Variants in NTNG2 observed in about 807,000 individuals in gnomAD.
NTNG2 encodes netrin-G2.
A neutral mutation model predicts 47.6 loss-of-function variants in NTNG2; 15 were observed. The observed-to-expected ratio is 0.32, with a 90% CI of 0.21 to 0.49. The LOEUF (loss-of-function observed/expected upper bound fraction) is 0.49, where lower values mean the gene tolerates loss of function less well. NTNG2 is among the 20% of genes least tolerant of loss of function. The pLI is 0.99. For missense variants in NTNG2, 578 were observed against 764.6 expected (o/e 0.76, Z 2.88); for synonymous variants, 307 against 324.6 (o/e 0.95, Z 0.58).
chr9:132,209,834 G>A (rs914496730), intron 3 of NTNG2, among the ~76,000 whole-genome samples: 1 of 151,292 alleles, frequency 6.6e-6, no homozygotes, highest in Admixed American at 6.6e-5. Context: ...GAGGGGAGAG[G>A]GCTCTTCCTG....
chr9:132,209,273 G>T (rs1389009786), intron 3 of NTNG2, among the ~76,000 whole-genome samples: 1 of 152,260 alleles, frequency 6.6e-6, no homozygotes, highest in Non-Finnish European at 1.5e-5. Context: ...TTCCAGCGCG[G>T]CTGTGCACTG....
At chr9:132,164,880 TGCTCAGGGC>T (rs1043427827) in intron 1 of NTNG2, among the ~76,000 whole-genome samples, 20 of 152,320 alleles carry the variant, frequency 1.3e-4, no homozygotes, top group African/African-American at 4.8e-4. Flanking sequence ...GAGCCTGAGG[TGCTCAGGGC>T]GCTCAGGGCA....
rs12348761 is a variant in NTNG2, at chr9:132,226,353, C to T, written c.858-496C>T. ...GGGTTCTATCTGTTGCCCTCAAGGG[C>T]GTGGCTGTGGGCCACAACCTGACAG... On this transcript the variant is annotated intron_variant, in intron 3 of 7. Transcript: ENST00000393229. The surrounding 1 kb of genome is among the most constrained non-coding windows in gnomAD (Gnocchi z 4.8). Among the ~76,000 whole-genome samples the T allele has an allele frequency of 0.014, 2,125 of 152,294 alleles. 50 individuals are homozygous for T. Among genetic ancestry groups the T allele is most frequent in the African/African-American group, 0.047 (1,946 of 41,550 alleles).
intron 2 of NTNG2, among the ~76,000 whole-genome samples, chr9:132,190,907 TG>T (rs1837831617): frequency 6.6e-6 from 1 of 152,198 alleles, no homozygotes; most frequent in South Asian, 2.1e-4. Context: ...CTAGCCACAC[TG>T]CCTGACCTTT....
chr9:132,239,394 C>A, intron 6 of NTNG2, 123 bp downstream of exon 6: 1 of 855,698 alleles, frequency 1.2e-6, no homozygotes, highest in East Asian at 2.6e-5. Flanking sequence ...GGAATTCTAA[C>A]TCCAGGGCCC....
rs961597448 is a variant in NTNG2, at chr9:132,182,810, G to A, written c.214-15156G>A. On this transcript the variant is annotated intron_variant, in intron 2 of 7. Transcript: ENST00000393229. This position sits in a 1 kb window ranked among gnomAD's most constrained non-coding sequence, Gnocchi z 4.2. Reference sequence around the variant, plus strand: ...CAGGAGCGGAGCGGGCAGGGACCAGGCTGCCCTCTAAGCCACTCGGCTGGC... The same window carrying A: ...CAGGAGCGGAGCGGGCAGGGACCAGACTGCCCTCTAAGCCACTCGGCTGGC... Among the ~76,000 whole-genome samples the A allele has an allele frequency of 6.6e-6, 1 of 152,202 alleles. No individual in the cohort carries two copies. The highest frequency in any genetic ancestry group is 2.4e-5 in the African/African-American group (1 of 41,464).
At chr9:132,204,191 C>T (rs1466663348) in intron 3 of NTNG2, among the ~76,000 whole-genome samples, 1 of 152,126 alleles carries the variant, frequency 6.6e-6, no homozygotes, top group Non-Finnish European at 1.5e-5. Flanking sequence ...CTGAGCTGGG[C>T]CTGGACGGGC....
intron 3 of NTNG2, among the ~76,000 whole-genome samples, chr9:132,217,376 T>C (rs1840064058): frequency 6.6e-6 from 1 of 152,114 alleles, no homozygotes; most frequent in African/African-American, 2.4e-5. Flanking sequence ...GTGGGGTGGC[T>C]GCAGTTCCAG....
intron 3 of NTNG2, among the ~76,000 whole-genome samples, chr9:132,216,684 T>C (rs1452181114): frequency 6.6e-6 from 1 of 151,946 alleles, no homozygotes; most frequent in African/African-American, 2.4e-5. Flanking sequence ...GCCCAGGTGA[T>C]GGTTTTCTGG....
rs61589603 is a variant in NTNG2 at position 132,218,488 on chromosome 9, G to GTT, written c.858-8354_858-8353dup. On this transcript the variant is annotated intron_variant, in intron 3 of 7. Coordinates refer to ENST00000393229, the MANE Select transcript of NTNG2 (RefSeq NM_032536.4). The surrounding 1 kb of genome is among the most constrained non-coding windows in gnomAD (Gnocchi z 5.4). Reference sequence around the variant, plus strand: ...CAATGTGATAGCGTTTTGTTTTTTTGTTTTTTTTGTTTTTCTGGTTTTTTT... The same window carrying GTT: ...CAATGTGATAGCGTTTTGTTTTTTTGTTTTTTTTTTGTTTTTCTGGTTTTTTT... Among the ~76,000 whole-genome samples, 54 of 151,684 alleles carry GTT rather than the reference G, an allele frequency of 3.6e-4. No homozygotes were observed. Among genetic ancestry groups the GTT allele is most frequent in the Middle Eastern group, 3.4e-3 (1 of 294 alleles).
intron 2 of NTNG2, among the ~76,000 whole-genome samples, chr9:132,189,062 GCCTT>G (rs769642682): frequency 0.086 from 7,464 of 87,004 alleles, 522 homozygotes; most frequent in Middle Eastern, 0.17. Flanking sequence ...AAGGCTTTAA[GCCTT>G]TCTTTTTTTT....
intron 2 of NTNG2, among the ~76,000 whole-genome samples, chr9:132,189,044 A>G (rs1387136704): frequency 2.2e-5 from 2 of 89,238 alleles, no homozygotes; most frequent in Non-Finnish European, 4.7e-5. Flanking sequence ...TATAAGTTTT[A>G]TGTGAAAAAG....
chr9:132,170,841 G>A (rs1291609008), intron 2 of NTNG2, among the ~76,000 whole-genome samples: 3 of 152,210 alleles, frequency 2.0e-5, no homozygotes, highest in Admixed American at 6.5e-5. Flanking sequence ...CCCAGACCCT[G>A]CCCCACAACT....
intron 2 of NTNG2, among the ~76,000 whole-genome samples, chr9:132,196,995 G>A (rs1014825358): frequency 6.6e-6 from 1 of 152,212 alleles, no homozygotes; most frequent in Non-Finnish European, 1.5e-5. Context: ...GGAACAGCCA[G>A]ATAGAAGAGA....
At chr9:132,234,985 G>A (rs1270066045) in intron 5 of NTNG2, among the ~76,000 whole-genome samples, 1 of 152,228 alleles carries the variant, frequency 6.6e-6, no homozygotes, top group East Asian at 1.9e-4. Flanking sequence ...TTGAAATTTG[G>A]GCACAGGGCA....
At position 132,163,768 on chromosome 9, in the gene NTNG2, G is replaced by A. The variant is rs557807956; in HGVS notation, c.-484+1529G>A. On this transcript the variant is annotated intron_variant, in intron 1 of 7. Transcript: ENST00000393229. This position sits in a 1 kb window ranked among gnomAD's most constrained non-coding sequence, Gnocchi z 7.2. ...ACCTGCTGGCGAGCCCAGCCAGCTC[G>A]GGAGGCGCTAATTCAATAAGACAGA... 2.0e-5 allele frequency among the ~76,000 whole-genome samples: 3 copies of A among 152,344 alleles called. No homozygotes were observed. Among genetic ancestry groups the A allele is most frequent in the East Asian group, 3.9e-4 (2 of 5,182 alleles).
intron 5 of NTNG2, chr9:132,233,991 T>A (rs1333447399): frequency 6.6e-6 from 1 of 151,394 alleles, no homozygotes; most frequent in Non-Finnish European, 1.5e-5. Context: ...AAAGCTATTG[T>A]CCTGAGGCCT....
At chr9:132,216,276 G>C (rs529266875) in intron 3 of NTNG2, among the ~76,000 whole-genome samples, 1 of 152,184 alleles carries the variant, frequency 6.6e-6, no homozygotes, top group Admixed American at 6.5e-5. Context: ...GTGCCAGGCA[G>C]TGTGTTAGAC....
chr9:132,202,460 C>G (rs1350681588), intron 3 of NTNG2, among the ~76,000 whole-genome samples: 1 of 152,206 alleles, frequency 6.6e-6, no homozygotes, highest in Non-Finnish European at 1.5e-5. Flanking sequence ...CAAGTCCCAG[C>G]CACGCCCCCT....
Sources: allele counts gnomAD v4.1 joint callset (sites outside exome capture counted in the v4.1 genomes callset), GRCh38; gene constraint gnomAD v4.1.1; non-coding constraint Gnocchi (gnomAD v3.1); transcripts MANE v1.5; gene names NCBI Gene and HGNC (gene_info 2026-07-23, HGNC 2026-07-21).